The following RELN variants were observed in gnomAD, a reference collection of about 807,000 sequenced individuals.
RELN encodes the protein reelin.
Under a neutral mutation model 427.6 loss-of-function variants are expected in RELN, and 108 were observed. The observed-to-expected ratio is 0.25, with a 90% CI of 0.22 to 0.30. The LOEUF (loss-of-function observed/expected upper bound fraction) is 0.30, where lower values mean the gene tolerates loss of function less well. Ranked by LOEUF, RELN falls within the 10% of genes least tolerant of loss-of-function variation. The probability of loss-of-function intolerance (pLI) is 1.00; values close to 1 mark genes in which losing one functional copy is unlikely to be tolerated. For missense variants in RELN, 3,715 were observed against 4,302.8 expected (o/e 0.86, Z 3.82); for synonymous variants, 1,524 against 1,513.4 (o/e 1.01, Z -0.16).
At chr7:103,934,675 C>T (rs1795941045) in intron 1 of RELN, among the ~76,000 whole-genome samples, 1 of 152,198 alleles carries the variant, frequency 6.6e-6, no homozygotes, top group South Asian at 2.1e-4. Flanking sequence ...TGCTGATTGG[C>T]AGCACATGCT....
intron 4 of RELN, among the ~76,000 whole-genome samples, chr7:103,768,232 G>T (rs1791472515): frequency 6.6e-6 from 1 of 151,866 alleles, no homozygotes; most frequent in Non-Finnish European, 1.5e-5. Flanking sequence ...AATAATTGAG[G>T]GTATACAGCC....
chr7:103,909,625 T>G (rs1162916260), intron 2 of RELN, among the ~76,000 whole-genome samples: 4 of 125,066 alleles, frequency 3.2e-5, no homozygotes. Context: ...ACAATATATA[T>G]TAAATATATT....
intron 2 of RELN, among the ~76,000 whole-genome samples, chr7:103,847,364 A>T (rs987600951): frequency 5.9e-5 from 9 of 152,162 alleles, no homozygotes; most frequent in African/African-American, 1.9e-4. Flanking sequence ...GGAGTTGAAC[A>T]ATGAGAACAC....
At chr7:103,576,375 T>C (rs1256563718) in intron 28 of RELN, among the ~76,000 whole-genome samples, 1 of 152,154 alleles carries the variant, frequency 6.6e-6, no homozygotes, top group African/African-American at 2.4e-5. Flanking sequence ...CCTGGCTTTA[T>C]GTGATCTGCC....
At chr7:103,696,158 C>A (rs535850723) in intron 10 of RELN, among the ~76,000 whole-genome samples, 1 of 152,094 alleles carries the variant, frequency 6.6e-6, no homozygotes, top group Non-Finnish European at 1.5e-5. Context: ...ATCCTCACCC[C>A]TTTCTAGCTC....
intron 2 of RELN, among the ~76,000 whole-genome samples, chr7:103,850,208 A>G (rs1383134455): frequency 6.6e-6 from 1 of 152,224 alleles, no homozygotes. Context: ...GAGGACCCAC[A>G]GATGCTCTGA....
chr7:103,551,164 A>G lies in RELN; in HGVS notation c.6205T>C (p.Cys2069Arg), dbSNP rs768230122. The G allele has an allele frequency of 7.4e-6, 12 of 1,613,970 alleles. No homozygotes were observed. Among genetic ancestry groups the G allele is most frequent in the Non-Finnish European group, 1.0e-5 (12 of 1,180,032 alleles). ...CTGCTGGGGTGGTGCTCGGTGGAGC[A>G]TAAAGAGCTGACGTGGCTGCTGCTG... ...YHSSSHVSSL[C>R]STEHHPSSTY... The change falls in exon 41 of 65, where the codon TGC (cysteine) becomes CGC (arginine). Residue 2069 changes from cysteine to arginine, a missense_variant. Transcript: ENST00000428762.
intron 3 of RELN, among the ~76,000 whole-genome samples, chr7:103,798,485 T>C (rs1792365494): frequency 6.6e-6 from 1 of 152,002 alleles, no homozygotes; most frequent in Admixed American, 6.6e-5. Flanking sequence ...ACTCAAAAGG[T>C]GAAGCTAAAC....
At position 103,626,241 on chromosome 7, in the gene RELN, G is replaced by A. The variant is rs1392839330; in HGVS notation, c.2702+3699C>T. Among the ~76,000 whole-genome samples the A allele has an allele frequency of 1.3e-5, 2 of 152,130 alleles. No homozygotes were observed. Among genetic ancestry groups the A allele is most frequent in the Admixed American group, 6.5e-5 (1 of 15,270 alleles). ...TACAAGCTTCTAAGTGGCAGTGTGAGAATTTGAAATCAGGCCTACGACCTC... is the reference window on the plus strand; with the variant it reads ...TACAAGCTTCTAAGTGGCAGTGTGAAAATTTGAAATCAGGCCTACGACCTC... On this transcript the variant is annotated intron_variant, in intron 20 of 64. Coordinates refer to ENST00000428762, the MANE Select transcript of RELN (RefSeq NM_005045.4). This position sits in a 1 kb window ranked among gnomAD's most constrained non-coding sequence, Gnocchi z 4.4.
intron 16 of RELN, among the ~76,000 whole-genome samples, chr7:103,643,703 A>G (rs918438249): frequency 2.0e-5 from 3 of 152,208 alleles, no homozygotes; most frequent in Admixed American, 2.0e-4. Context: ...AATTCTTGTT[A>G]GAAACCTTAT....
rs545589299 is a variant in RELN, at chr7:103,798,951, C to T, written c.474-22324G>A. ...AAGGGAAACCCAAGTATCAGTGACC[C>T]TCGGTCTTTGCCCAGGGCCTATAGC... On this transcript the variant is annotated intron_variant, in intron 3 of 64. Transcript: ENST00000428762. 4.6e-5 allele frequency among the ~76,000 whole-genome samples: 7 copies of T among 152,286 alleles called. No individual in the cohort carries two copies. The South Asian group carries it at 1.5e-3, about 32-fold the overall frequency.
In RELN at chr7:103,988,478, G is replaced by C. The variant is rs1797148205; in HGVS notation, c.226+653C>G. Among the ~76,000 whole-genome samples the C allele has an allele frequency of 6.6e-6, 1 of 152,198 alleles. No homozygotes were observed. Among genetic ancestry groups the C allele is most frequent in the African/African-American group, 2.4e-5 (1 of 41,446 alleles). On this transcript the variant is annotated intron_variant, in intron 1 of 64. Coordinates refer to ENST00000428762, the MANE Select transcript of RELN (RefSeq NM_005045.4). The surrounding 1 kb of genome is among the most constrained non-coding windows in gnomAD (Gnocchi z 4.9). ...AGATAATTCTAACAAGAAGCACCAT[G>C]TAAAAGTAAGGCAGGAATCAGAAAA...
At chr7:103,919,133 CTTTTTTTTTTTT>C (rs1187538150) in intron 1 of RELN, among the ~76,000 whole-genome samples, 2 of 101,366 alleles carry the variant, frequency 2.0e-5, no homozygotes, top group African/African-American at 3.7e-5. Context: ...GATAATCGGT[CTTTTTTTTTTTT>C]TTTTTTTTTT....
At chr7:103,744,140 G>A (rs985483722) in intron 6 of RELN, among the ~76,000 whole-genome samples, 3 of 152,164 alleles carry the variant, frequency 2.0e-5, no homozygotes, top group African/African-American at 7.2e-5. Flanking sequence ...CATGGAAACT[G>A]AACAACCTGC....
chr7:103,644,447 C>T (rs1202704354), intron 16 of RELN, among the ~76,000 whole-genome samples: 1 of 145,276 alleles, frequency 6.9e-6, no homozygotes, highest in Non-Finnish European at 1.5e-5. Context: ...CCAAACAAAA[C>T]TTTTAGAAAT....
intron 51 of RELN, among the ~76,000 whole-genome samples, chr7:103,507,247 T>C (rs565535021): frequency 1.3e-5 from 2 of 152,266 alleles, no homozygotes; most frequent in East Asian, 1.9e-4. Flanking sequence ...TAGCACCACA[T>C]TGCACTTATT....
chr7:103,767,057 G>T (rs1054799490), intron 4 of RELN, among the ~76,000 whole-genome samples: 3 of 152,138 alleles, frequency 2.0e-5, no homozygotes, highest in African/African-American at 4.8e-5. Flanking sequence ...TTTGAAGAGG[G>T]TATGCCAAGA....
At chr7:103,574,065 A>AAAAGT in intron 30 of RELN, 27 bp downstream of exon 30, 1 of 1,558,546 alleles carries the variant, frequency 6.4e-7, no homozygotes, top group Non-Finnish European at 8.9e-7. Context: ...ATGTTTGTGA[A>AAAAGT]AAAGTATACC....
rs569985640 is a variant in RELN, at chr7:103,888,236, GAA to G, written c.337+28837_337+28838del. ...AGCTCTTTTATACCAGCTCTTTTAA[GAA>G]AAAAAAATATATATATATATATCAC... On this transcript the variant is annotated intron_variant, in intron 2 of 64. Transcript: ENST00000428762. Among the ~76,000 whole-genome samples, 67 of 103,578 alleles carry G rather than the reference GAA, an allele frequency of 6.5e-4. 1 individual carries two copies. Among genetic ancestry groups the G allele is most frequent in the African/African-American group, 1.7e-3 (42 of 24,892 alleles). 68.0% of individuals were successfully genotyped at this position (103,578 alleles called of 152,430 possible).
Sources: allele counts gnomAD v4.1 joint callset (sites outside exome capture counted in the v4.1 genomes callset), GRCh38; gene constraint gnomAD v4.1.1; non-coding constraint Gnocchi (gnomAD v3.1); transcripts MANE v1.5; gene names NCBI Gene and HGNC (gene_info 2026-07-23, HGNC 2026-07-21).